The following EXOC2 variants were observed in gnomAD, a reference collection of about 807,000 sequenced individuals.
The protein encoded by EXOC2 is SEC5-like 1.
A neutral mutation model predicts 131.8 loss-of-function variants in EXOC2; 70 were observed. The ratio of observed to expected loss-of-function variants is 0.53; its 90% CI spans 0.44 to 0.65. The LOEUF is 0.65. Among genes scored for constraint, EXOC2 ranks in the 30% least tolerant of loss-of-function variants. EXOC2 has a pLI of 0.00. For missense variants in EXOC2, 923 were observed against 1,108.6 expected, an observed-to-expected ratio of 0.83 and a Z score of 2.38; for synonymous variants, 411 against 398.4, an observed-to-expected ratio of 1.03 and a Z score of -0.38.
chr6:647,667 C>A (rs959095816), intron 1 of EXOC2, among the ~76,000 whole-genome samples: 5 of 136,448 alleles, frequency 3.7e-5, no homozygotes, highest in Non-Finnish European at 7.8e-5. Context: ...CTGGCTCACT[C>A]TGGTGTGAAA....
At chr6:562,574 T>C (rs1757756939) in intron 17 of EXOC2, among the ~76,000 whole-genome samples, 1 of 152,226 alleles carries the variant, frequency 6.6e-6, no homozygotes, top group Admixed American at 6.5e-5. Context: ...ATGAAAAAGG[T>C]CAAGTCTAAA....
intron 17 of EXOC2, among the ~76,000 whole-genome samples, chr6:557,702 G>A (rs1357037440): frequency 6.6e-6 from 1 of 151,644 alleles, no homozygotes; most frequent in East Asian, 1.9e-4. Context: ...GGTCATAGAA[G>A]GCCCCCAAGA....
intron 4 of EXOC2, among the ~76,000 whole-genome samples, chr6:628,951 C>T (rs574847940): frequency 3.9e-5 from 6 of 152,066 alleles, no homozygotes; most frequent in Admixed American, 3.9e-4. Context: ...GCTGCTAAGC[C>T]CCAGACTTTT....
intron 1 of EXOC2, among the ~76,000 whole-genome samples, chr6:668,463 A>G (rs1763712705): frequency 6.6e-6 from 1 of 152,142 alleles, no homozygotes; most frequent in Admixed American, 6.5e-5. Context: ...GTTCTGTCAC[A>G]CTCAGCGTTA....
At chr6:523,617 A>C (rs183573842) in intron 23 of EXOC2, among the ~76,000 whole-genome samples, 8 of 152,360 alleles carry the variant, frequency 5.3e-5, no homozygotes, top group Middle Eastern at 3.4e-3. Context: ...AGTTAGACTA[A>C]GTTTAAACAG....
intron 17 of EXOC2, among the ~76,000 whole-genome samples, chr6:561,010 A>G (rs573845651): frequency 6.6e-6 from 1 of 152,266 alleles, no homozygotes; most frequent in South Asian, 2.1e-4. Flanking sequence ...ACCCGGCCCA[A>G]TTAAAATATT....
chr6:514,153 C>G (rs1391625002), intron 23 of EXOC2, among the ~76,000 whole-genome samples: 4 of 152,326 alleles, frequency 2.6e-5, no homozygotes, highest in East Asian at 1.9e-4. Context: ...TCTTCTCTGC[C>G]TCTTCCAGGC....
At chr6:552,916 TTTATTA>T (rs960465146) in intron 21 of EXOC2, among the ~76,000 whole-genome samples, 7 of 151,898 alleles carry the variant, frequency 4.6e-5, no homozygotes, top group African/African-American at 1.7e-4. Flanking sequence ...GAGAGGGTTA[TTTATTA>T]TTATTATTTT....
intron 1 of EXOC2, among the ~76,000 whole-genome samples, chr6:681,567 A>C (rs1456223190): frequency 1.3e-5 from 2 of 152,192 alleles, no homozygotes; most frequent in East Asian, 1.9e-4. Flanking sequence ...TACCAGAGAA[A>C]CTTGTTTTTC....
intron 4 of EXOC2, among the ~76,000 whole-genome samples, chr6:624,689 C>T (rs995601429): frequency 1.3e-5 from 2 of 152,054 alleles, no homozygotes; most frequent in East Asian, 1.9e-4. Context: ...ACTACAAATC[C>T]GTAAAGATGA....
At chr6:495,553 A>G (rs1013101192) in intron 25 of EXOC2, among the ~76,000 whole-genome samples, 2 of 152,184 alleles carry the variant, frequency 1.3e-5, no homozygotes, top group Non-Finnish European at 2.9e-5. Flanking sequence ...AATAACTAGG[A>G]TCGGAATAGC....
intron 7 of EXOC2, among the ~76,000 whole-genome samples, chr6:604,423 C>G (rs1363087302): frequency 6.6e-6 from 1 of 152,170 alleles, no homozygotes; most frequent in Non-Finnish European, 1.5e-5. Flanking sequence ...CTTAACATGC[C>G]TACCGTCCAC....
At chr6:583,174 A>G (rs560186089) in intron 11 of EXOC2, among the ~76,000 whole-genome samples, 1 of 152,352 alleles carries the variant, frequency 6.6e-6, no homozygotes, top group Admixed American at 6.5e-5. Flanking sequence ...GGAATTACAA[A>G]AATAACAGAA....
At chr6:606,973 C>T (rs1760451833) in intron 7 of EXOC2, among the ~76,000 whole-genome samples, 1 of 152,208 alleles carries the variant, frequency 6.6e-6, no homozygotes, top group African/African-American at 2.4e-5. Context: ...AGCACAACTG[C>T]ACACTTTGCT....
At chr6:552,247 C>T (rs1183563634) in intron 21 of EXOC2, among the ~76,000 whole-genome samples, 1 of 152,252 alleles carries the variant, frequency 6.6e-6, no homozygotes, top group African/African-American at 2.4e-5. Flanking sequence ...CATACCTAGG[C>T]AGGACGTCGC....
intron 1 of EXOC2, among the ~76,000 whole-genome samples, chr6:651,355 AT>A (rs1197452144): frequency 2.0e-5 from 3 of 152,014 alleles, no homozygotes; most frequent in Non-Finnish European, 4.4e-5. Context: ...TTTATCTTGC[AT>A]TTAAAGTCTA....
intron 27 of EXOC2, 84 bp from the exon 28 acceptor site, chr6:486,848 G>T: frequency 9.8e-7 from 1 of 1,015,294 alleles, no homozygotes; most frequent in Non-Finnish European, 1.5e-6. Context: ...GCCAGTGCCC[G>T]GCTCTGCCTG....
At chr6:652,136 A>G (rs1416606302) in intron 1 of EXOC2, among the ~76,000 whole-genome samples, 1 of 152,158 alleles carries the variant, frequency 6.6e-6, no homozygotes, top group Admixed American at 6.5e-5. Context: ...TACGTAACTC[A>G]GAAGATATGA....
chr6:497,326 T>C, intron 25 of EXOC2, 41 bp downstream of exon 25: 1 of 1,592,860 alleles, frequency 6.3e-7, no homozygotes, highest in Non-Finnish European at 8.6e-7. Context: ...ATGCTTTAAA[T>C]AACAACAGAA....
Sources: gnomAD v4.1 joint callset for allele counts (sites outside exome capture counted in the v4.1 genomes callset) on GRCh38, gnomAD v4.1.1 for gene constraint, MANE v1.5 for transcripts, NCBI Gene and HGNC (gene_info 2026-07-23, HGNC 2026-07-21) for gene names.